The following MMP15 variants were observed in gnomAD, a reference collection of about 807,000 sequenced individuals.
The protein encoded by MMP15 is matrix metallopeptidase 15, also known as matrix metalloproteinase-15.
In MMP15, 36 loss-of-function variants were observed where a neutral mutation model predicts 65.0. The observed-to-expected ratio is 0.55, with a 90% confidence interval of 0.42 to 0.73. MMP15 has a LOEUF of 0.73. Ranked by LOEUF, MMP15 falls within the 30% of genes least tolerant of loss-of-function variation. The probability of loss-of-function intolerance (pLI) is 0.00; values close to 1 mark genes in which losing one functional copy is unlikely to be tolerated. For synonymous variants in MMP15, 428 were observed against 410.2 expected (o/e 1.04, Z -0.52); for missense variants, 870 against 987.8 (o/e 0.88, Z 1.60).
intron 1 of MMP15, 51 bp downstream of exon 1, chr16:58,026,563 A>G (rs1597060265): frequency 7.8e-7 from 1 of 1,282,582 alleles, no homozygotes; most frequent in East Asian, 3.1e-5. Flanking sequence ...TTGGAGGGAG[A>G]GGCGCCACGT....
rs1230663157 is a variant in MMP15 at position 58,026,127 on chromosome 16, G to C, written c.-224G>C. On this transcript the variant is annotated 5_prime_UTR_variant, in exon 1 of 10. Transcript: ENST00000219271. ...AACCTCGCCGGGGGCAGCTCCGGTC[G>C]GCCCCCTTTCCCGCCGGCTGGTTCC... 1.9e-5 allele frequency: 8 copies of C among 413,230 alleles called. No individual in the cohort carries two copies. Among genetic ancestry groups the C allele is most frequent in the Admixed American group, 4.5e-5 (1 of 22,064 alleles). 25.6% of individuals were successfully genotyped at this position (413,230 alleles called of 1,614,324 possible). A position where few individuals can be genotyped will look rare whatever the true frequency, so the allele number is the denominator to read the frequency against.
At position 58,039,743 on chromosome 16, in the gene MMP15, A is replaced by T. The variant is rs1959408686; in HGVS notation, c.441-132A>T. 3.7e-6 allele frequency: 3 copies of T among 818,874 alleles called. No individual in the cohort carries two copies. In the South Asian group the frequency reaches 5.7e-5, roughly 16 times the overall value. The allele number at this position is 818,874 out of a possible 1,614,324, so 50.7% of individuals were successfully genotyped here. ...ATTTGACAAATTCAAATTATGATTT[A>T]CATCAAAGCAAACTGCCAGTTGATA... On this transcript the variant is annotated intron_variant, in intron 3 of 9. Transcript: ENST00000219271.
Position 58,026,010 on chromosome 16 carries a change from C to T in MMP15, c.-341C>T, listed in dbSNP as rs1207504516. The T allele has an allele frequency of 6.6e-5, 12 of 183,002 alleles. No individual in the cohort carries two copies. Among genetic ancestry groups the T allele is most frequent in the Non-Finnish European group, 6.8e-5 (6 of 88,858 alleles). 11.3% of individuals were successfully genotyped at this position (183,002 alleles called of 1,614,324 possible). ...TGGGCGCGCAGGGAGCGCCGCGGGA[C>T]CGGGCGGCCGGAGCGCTGAGCCAGA... is the stretch of plus-strand genomic sequence containing the variant. On this transcript the variant is annotated 5_prime_UTR_variant, in exon 1 of 10. Transcript: ENST00000219271.
intron 1 of MMP15, among the ~76,000 whole-genome samples, chr16:58,034,667 G>A (rs376818165): frequency 8.5e-5 from 13 of 152,302 alleles, no homozygotes; most frequent in Middle Eastern, 3.4e-3. Flanking sequence ...CTGCCCAAGG[G>A]GTGCCCCCAT....
chr16:58,026,617 C>G, intron 1 of MMP15, 105 bp downstream of exon 1: 1 of 1,212,306 alleles, frequency 8.2e-7, no homozygotes, highest in Non-Finnish European at 1.1e-6. Context: ...AGACGCGCCC[C>G]CTGTTCTGGG....
At position 58,039,992 on chromosome 16, in the gene MMP15, C is replaced by T; in HGVS notation, c.558C>T (p.Asp186=). 3.1e-6 allele frequency: 5 copies of T among 1,614,056 alleles called. No homozygotes were observed. Among genetic ancestry groups the T allele is most frequent in the Non-Finnish European group, 4.2e-6 (5 of 1,180,048 alleles). ...PLVFQEVPYE[D]IRLRRQKEAD... Reference sequence around the variant, plus strand: ...TCTTCCAGGAGGTGCCCTATGAGGACATCCGGCTGCGGCGACAGAAGGAGG... The same window carrying T: ...TCTTCCAGGAGGTGCCCTATGAGGATATCCGGCTGCGGCGACAGAAGGAGG... Residue 186 remains aspartate (D), a synonymous_variant, in exon 4 of 10, where the codon GAC becomes GAT. Transcript: ENST00000219271.
rs189995509 is a variant in MMP15 at position 58,026,208 on chromosome 16, G to C, written c.-143G>C. On this transcript the variant is annotated 5_prime_UTR_variant, in exon 1 of 10. Transcript: ENST00000219271. ...CTCGGGCTTGGGAATTTGCCGAGGC[G>C]ACCTAGGCGGCTCCGGCGGGGACCG... is the stretch of plus-strand genomic sequence containing the variant. The C allele has an allele frequency of 8.5e-4, 795 of 938,204 alleles. 8 individuals are homozygous for C. The African/African-American group carries it at 0.013, about 15-fold the overall frequency. The allele number at this position is 938,204 out of a possible 1,614,324, so 58.1% of individuals were successfully genotyped here.
At chr16:58,043,755 T>C in intron 9 of MMP15, 128 bp downstream of exon 9, 2 of 665,772 alleles carry the variant, frequency 3.0e-6, no homozygotes, top group Admixed American at 6.5e-5. Context: ...TGTGTCACGC[T>C]CTGGGCTGGG....
intron 1 of MMP15, among the ~76,000 whole-genome samples, chr16:58,031,505 C>T (rs1326838233): frequency 6.6e-6 from 1 of 152,160 alleles, no homozygotes; most frequent in Non-Finnish European, 1.5e-5. Context: ...AGGCCGGGCC[C>T]CCAGCCAGGC....
intron 1 of MMP15, among the ~76,000 whole-genome samples, chr16:58,030,751 C>T (rs1038203484): frequency 3.9e-5 from 6 of 152,134 alleles, no homozygotes; most frequent in Non-Finnish European, 5.9e-5. Flanking sequence ...AACACGGTGG[C>T]CTACACCCTG....
Position 58,045,315 on chromosome 16 carries a change from G to A in MMP15, c.1879G>A (p.Val627Met). The change falls in exon 10 of 10, where the codon GTG (valine) becomes ATG (methionine). Residue 627 changes from valine to methionine, a missense_variant. Physicochemically the swap from Val to Met is conservative, Grantham distance 21 (BLOSUM62 1). Transcript: ENST00000219271. ...GGAGGTGGCACGGACGGTGAACGTG[G>A]TGATGGTGCTGGTGCCACTGCTGCT... ...MEEVARTVNV[V>M]MVLVPLLLLL... 1.2e-6 allele frequency: 2 copies of A among 1,610,068 alleles called. No individual in the cohort carries two copies. The highest frequency in any genetic ancestry group is 1.7e-6 in the Non-Finnish European group (2 of 1,179,256).
chr16:58,037,316 AG>A (rs1959350179), intron 1 of MMP15, among the ~76,000 whole-genome samples, 155 bp from the exon 2 acceptor site: 1 of 152,092 alleles, frequency 6.6e-6, no homozygotes, highest in African/African-American at 2.4e-5. Flanking sequence ...GACAGGGAGG[AG>A]GGTGCTGAGG....
At chr16:58,033,876 C>G (rs1018423422) in intron 1 of MMP15, among the ~76,000 whole-genome samples, 2 of 152,248 alleles carry the variant, frequency 1.3e-5, no homozygotes, top group African/African-American at 4.8e-5. Context: ...GCACTCCATC[C>G]TGGGTGACAG....
At chr16:58,028,728 TC>T (rs1159126525) in intron 1 of MMP15, among the ~76,000 whole-genome samples, 4 of 152,100 alleles carry the variant, frequency 2.6e-5, no homozygotes, top group Non-Finnish European at 4.4e-5. Context: ...TCTCTCCACT[TC>T]CTCTCTCCCC....
At chr16:58,038,181 C>T (rs1387244882) in intron 2 of MMP15, 85 bp from the exon 3 acceptor site, 21 of 1,557,210 alleles carry the variant, frequency 1.3e-5, no homozygotes, top group African/African-American at 6.8e-5. Context: ...CTGGGAAGCC[C>T]GGAAGTGGCG....
intron 6 of MMP15, 123 bp downstream of exon 6, chr16:58,041,993 A>G (rs1325832634): frequency 1.1e-5 from 14 of 1,268,926 alleles, no homozygotes; most frequent in African/African-American, 1.5e-5. Context: ...ATGGGGAGGA[A>G]TCCAGCCCAA....
At chr16:58,037,439 G>C (rs1283521664) in intron 1 of MMP15, 33 bp from the exon 2 acceptor site, 1 of 1,608,772 alleles carries the variant, frequency 6.2e-7, no homozygotes, top group Non-Finnish European at 8.5e-7. Flanking sequence ...AGCAGTGCCA[G>C]GACCTGCTGA....
chr16:58,043,594 T>C lies in MMP15; in HGVS notation c.1537T>C (p.Ser513Pro). ...CAGTGTCTGGCAGGGGATCCCTGCC[T>C]CCCCTAAAGGGGCCTTCCTGAGCAA... ...PISVWQGIPA[S>P]PKGAFLSNDA... Residue 513 changes from serine (S) to proline (P), a missense_variant, in exon 9 of 10, where the codon TCC becomes CCC. Transcript: ENST00000219271. 1.9e-6 allele frequency: 3 copies of C among 1,613,148 alleles called. No homozygotes were observed. The highest frequency in any genetic ancestry group is 2.5e-6 in the Non-Finnish European group (3 of 1,179,600).
intron 5 of MMP15, 24 bp downstream of exon 5, chr16:58,040,722 C>G: frequency 1.9e-6 from 3 of 1,613,654 alleles, no homozygotes; most frequent in Non-Finnish European, 2.5e-6. Context: ...GACCAGCGGG[C>G]TCTGCATGCC....
Sources: allele counts gnomAD v4.1 joint callset (sites outside exome capture counted in the v4.1 genomes callset), GRCh38; gene constraint gnomAD v4.1.1; transcripts MANE v1.5; gene names NCBI Gene and HGNC (gene_info 2026-07-23, HGNC 2026-07-21).